Variants in LRMDA observed in about 807,000 individuals in gnomAD.
LRMDA encodes the protein leucine rich melanocyte differentiation associated.
Under a neutral mutation model 29.8 loss-of-function variants are expected in LRMDA, and 18 were observed. The observed-to-expected ratio is 0.60, with a 90% CI of 0.42 to 0.90. The LOEUF (loss-of-function observed/expected upper bound fraction) is 0.90. LRMDA is among the 40% of genes least tolerant of loss of function. LRMDA has a pLI of 0.00. For synonymous variants in LRMDA, 125 were observed against 109.4 expected, an observed-to-expected ratio of 1.14 and a Z score of -0.89; for missense variants, 273 against 273.9, an observed-to-expected ratio of 1.00 and a Z score of 0.02.
intron 2 of LRMDA, among the ~76,000 whole-genome samples, chr10:75,461,157 C>T (rs944867814): frequency 1.3e-5 from 2 of 151,876 alleles, no homozygotes; most frequent in African/African-American, 4.8e-5. Context: ...AATGAAGACC[C>T]AAAGAAACAG....
At chr10:75,518,680 G>GT (rs1324638748) in intron 2 of LRMDA, among the ~76,000 whole-genome samples, 3 of 152,178 alleles carry the variant, frequency 2.0e-5, no homozygotes, top group African/African-American at 4.8e-5. Flanking sequence ...TTTTTGTAGA[G>GT]TTTTTTGTGT....
chr10:76,233,705 A>AAAAC (rs769928777), intron 5 of LRMDA, among the ~76,000 whole-genome samples: 22 of 152,292 alleles, frequency 1.4e-4, no homozygotes, highest in East Asian at 5.8e-4. Context: ...ATTCCATCTC[A>AAAAC]AAACAAACAA....
chr10:76,079,467 A>G (rs950140904), intron 5 of LRMDA, among the ~76,000 whole-genome samples: 8 of 152,118 alleles, frequency 5.3e-5, no homozygotes, highest in Non-Finnish European at 1.5e-5. Context: ...GGGTCTCTTC[A>G]GATGTATGGA....
At chr10:75,963,378 T>C (rs531683291) in intron 2 of LRMDA, among the ~76,000 whole-genome samples, 1 of 152,348 alleles carries the variant, frequency 6.6e-6, no homozygotes, top group Non-Finnish European at 1.5e-5. Flanking sequence ...GAATATTGCT[T>C]ATCTCATTCC....
At chr10:76,238,958 G>A (rs1852216373) in intron 5 of LRMDA, among the ~76,000 whole-genome samples, 1 of 152,070 alleles carries the variant, frequency 6.6e-6, no homozygotes, top group African/African-American at 2.4e-5. Context: ...AATAATATTG[G>A]TGGCAATCTT....
intron 6 of LRMDA, among the ~76,000 whole-genome samples, chr10:76,495,195 G>T (rs960434363): frequency 6.6e-6 from 1 of 151,768 alleles, no homozygotes; most frequent in Non-Finnish European, 1.5e-5. Context: ...TTCGATGGAG[G>T]TTCTTTTCAT....
chr10:76,345,106 G>A (rs1368646383), intron 6 of LRMDA, among the ~76,000 whole-genome samples: 3 of 114,138 alleles, frequency 2.6e-5, no homozygotes, highest in Non-Finnish European at 4.9e-5. Context: ...TCGCTCTGTC[G>A]CCCAGGCTGG....
intron 2 of LRMDA, among the ~76,000 whole-genome samples, chr10:75,963,326 T>C (rs1846800621): frequency 6.6e-6 from 1 of 152,240 alleles, no homozygotes. Flanking sequence ...TTTACCTGTA[T>C]GAATGTGTTG....
chr10:76,174,174 T>C (rs138224531), intron 5 of LRMDA, among the ~76,000 whole-genome samples: 55 of 152,308 alleles, frequency 3.6e-4, no homozygotes, highest in African/African-American at 1.3e-3. Context: ...AAAACTAGAA[T>C]AAGATTTTAT....
At chr10:75,895,654 G>A (rs957573093) in intron 2 of LRMDA, among the ~76,000 whole-genome samples, 1 of 152,216 alleles carries the variant, frequency 6.6e-6, no homozygotes, top group Admixed American at 6.5e-5. Context: ...ATTACATGAT[G>A]CTGGAATAGT....
At chr10:76,412,712 G>A (rs1841975800) in intron 6 of LRMDA, among the ~76,000 whole-genome samples, 2 of 152,122 alleles carry the variant, frequency 1.3e-5, no homozygotes, top group South Asian at 4.2e-4. Context: ...TATTCAGTAA[G>A]TAGTTTTGAT....
At chr10:75,945,359 T>C (rs1308625895) in intron 2 of LRMDA, among the ~76,000 whole-genome samples, 1 of 152,240 alleles carries the variant, frequency 6.6e-6, no homozygotes, top group Non-Finnish European at 1.5e-5. Flanking sequence ...TTGCAGACTT[T>C]GTAGCCTTAC....
intron 5 of LRMDA, among the ~76,000 whole-genome samples, chr10:76,274,026 T>G (rs935424111): frequency 1.3e-5 from 2 of 152,172 alleles, no homozygotes; most frequent in South Asian, 4.1e-4. Context: ...TTCTAAACAT[T>G]TGAAGATATT....
chr10:75,674,497 T>A (rs1030980679), intron 2 of LRMDA, among the ~76,000 whole-genome samples: 5 of 152,206 alleles, frequency 3.3e-5, no homozygotes, highest in African/African-American at 1.2e-4. Flanking sequence ...TTTTTTTTCC[T>A]TAGAAGAGAA....
chr10:76,167,801 G>C (rs139606720), intron 5 of LRMDA, among the ~76,000 whole-genome samples: 1,636 of 152,230 alleles, frequency 0.011, 29 homozygotes, highest in African/African-American at 0.036. Context: ...AATGTCAATG[G>C]TAGTTTAATG....
chr10:76,292,054 C>T (rs1589414069), intron 5 of LRMDA, among the ~76,000 whole-genome samples: 1 of 152,116 alleles, frequency 6.6e-6, no homozygotes, highest in Admixed American at 6.5e-5. Context: ...TAATTAAGCC[C>T]ATAGCAGGCC....
chr10:75,833,383 C>T lies in LRMDA; in HGVS notation c.132-202625C>T, dbSNP rs1169581952. On this transcript the variant is annotated intron_variant, in intron 2 of 6. Transcript: ENST00000611255. Reference sequence around the variant, plus strand: ...AGAAGATGTATCTTGTTCATTGGTACTTTCAAGGGCTGTGATCTCTCCATA... The same window carrying T: ...AGAAGATGTATCTTGTTCATTGGTATTTTCAAGGGCTGTGATCTCTCCATA... Among the ~76,000 whole-genome samples, 3 of 151,908 alleles carry T rather than the reference C, an allele frequency of 2.0e-5. 1 individual carries two copies. Among genetic ancestry groups the T allele is most frequent in the South Asian group, 4.1e-4 (2 of 4,826 alleles).
At chr10:76,033,324 G>A (rs771621244) in intron 2 of LRMDA, among the ~76,000 whole-genome samples, 2 of 152,172 alleles carry the variant, frequency 1.3e-5, no homozygotes, top group African/African-American at 2.4e-5. Context: ...TTTTTACTGA[G>A]CAGCTAATAA....
chr10:76,474,045 GA>G (rs1214107552), intron 6 of LRMDA, among the ~76,000 whole-genome samples: 8 of 151,582 alleles, frequency 5.3e-5, no homozygotes, highest in Non-Finnish European at 7.4e-5. Flanking sequence ...TAGGAGTCCA[GA>G]AAAAAGTCAT....
Sources: allele counts gnomAD v4.1 joint callset (sites outside exome capture counted in the v4.1 genomes callset), GRCh38; gene constraint gnomAD v4.1.1; transcripts MANE v1.5; gene names NCBI Gene and HGNC (gene_info 2026-07-23, HGNC 2026-07-21).